Variants in MAP3K15 observed in about 807,000 individuals in gnomAD.
The protein encoded by MAP3K15 is mitogen-activated protein kinase kinase kinase 15, also known as MAPK/ERK kinase kinase 15.
MAP3K15 carries 124 observed loss-of-function variants against 99.5 expected under a neutral mutation model. The observed-to-expected ratio is 1.25, with a 90% CI of 1.08 to 1.45. The LOEUF is 1.45. Ranked by LOEUF, MAP3K15 falls within the 40% of genes most tolerant of loss-of-function variation. The pLI is 0.00. For missense variants in MAP3K15, 1,242 were observed against 1,079.7 expected (o/e 1.15, Z -2.11); for synonymous variants, 494 against 439.6 (o/e 1.12, Z -1.55).
chrX:19,463,358 T>C (rs777605415), intron 4 of MAP3K15, among the ~76,000 whole-genome samples: 1 of 111,991 alleles, frequency 8.9e-6, no homozygotes, highest in South Asian at 3.7e-4. Flanking sequence ...GTGCCACTAT[T>C]TGAGCCACAG....
chrX:19,435,034 T>G (rs923018286), intron 6 of MAP3K15, among the ~76,000 whole-genome samples: 5 of 112,217 alleles, frequency 4.5e-5, no homozygotes, highest in Non-Finnish European at 9.4e-5. Context: ...TATTCTTTAA[T>G]TTTTAAGAGC....
intron 16 of MAP3K15, among the ~76,000 whole-genome samples, chrX:19,394,154 TGAAG>T (rs1358151619): frequency 2.7e-5 from 3 of 111,423 alleles, no homozygotes; most frequent in Non-Finnish European, 5.6e-5. Flanking sequence ...AATGAATGAA[TGAAG>T]ATTTCTAACT....
At chrX:19,449,407 C>G (rs2064022306) in intron 6 of MAP3K15, among the ~76,000 whole-genome samples, 1 of 109,857 alleles carries the variant, frequency 9.1e-6, no homozygotes, top group Admixed American at 9.6e-5. Flanking sequence ...AAAGCGTGCA[C>G]TTTTTCTATA....
Position 19,371,446 on chromosome X carries a change from G to T in MAP3K15, c.3193C>A (p.Arg1065=). ...LRDFIRSPEH[R]VMATTISKLK... ...TTTGATATTGTGGTCGCCATCACCC[G>T]GTGCTCTGGGGAGCGGATGAAGTCC... The change falls in exon 23 of 29, where the codon CGG becomes AGG. Residue 1065 remains arginine, a synonymous_variant. Coordinates refer to ENST00000338883, the MANE Select transcript of MAP3K15 (RefSeq NM_001001671.4). The T allele has an allele frequency of 8.3e-7, 1 of 1,210,570 alleles. No individual in the cohort carries two copies. Among genetic ancestry groups the T allele is most frequent in the Non-Finnish European group, 1.1e-6 (1 of 894,595 alleles).
chrX:19,486,955 G>A (rs773179157), intron 2 of MAP3K15, among the ~76,000 whole-genome samples: 9 of 111,013 alleles, frequency 8.1e-5, no homozygotes, highest in Non-Finnish European at 1.3e-4. Flanking sequence ...CAATGTGAAG[G>A]CCACACCACA....
At chrX:19,447,190 G>C (rs941370447) in intron 6 of MAP3K15, among the ~76,000 whole-genome samples, 1 of 111,473 alleles carries the variant, frequency 9.0e-6, no homozygotes, top group Non-Finnish European at 1.9e-5. Context: ...CACTGTGCTT[G>C]GCCCTTTTTA....
At chrX:19,431,940 C>CTT (rs773036480) in intron 6 of MAP3K15, among the ~76,000 whole-genome samples, 12 of 81,017 alleles carry the variant, frequency 1.5e-4, no homozygotes, top group Non-Finnish European at 1.4e-4. Context: ...TGAGACCCTG[C>CTT]TTTTTTTTTT....
chrX:19,408,856 G>C (rs774897606), intron 12 of MAP3K15, among the ~76,000 whole-genome samples: 1 of 110,700 alleles, frequency 9.0e-6, no homozygotes, highest in South Asian at 3.8e-4. Flanking sequence ...CATTTCCCTC[G>C]TGTGGCCACA....
At chrX:19,378,413 G>A (rs943037494) in intron 19 of MAP3K15, among the ~76,000 whole-genome samples, 5 of 111,963 alleles carry the variant, frequency 4.5e-5, no homozygotes, top group Non-Finnish European at 7.5e-5. Context: ...ACAGTTCCAC[G>A]CGGCTGGGGA....
Position 19,514,934 on chromosome X carries a change from C to A in MAP3K15, c.328G>T (p.Glu110Ter), listed in dbSNP as rs866314004. The A allele has an allele frequency of 8.7e-7, 1 of 1,148,279 alleles. No homozygotes were observed. The highest frequency in any genetic ancestry group is 1.9e-5 in the South Asian group (1 of 53,068). The allele number at this position is 1,148,279 out of a possible 1,213,427, so 94.6% of individuals were successfully genotyped here. ...SVPFGELDFGETAVLDAFYDA... is the reference protein window; with the variant it reads ...SVPFGELDFG ...TAGAAGGCGTCGAGCACGGCCGTCT[C>A]CCCGAAGTCCAGCTCCCCGAAGGGC... is the stretch of plus-strand genomic sequence containing the variant. Residue 110 changes from glutamate to a stop codon, truncating the protein, a stop_gained, in exon 1 of 29, where the codon GAG becomes TAG. Transcript: ENST00000338883. LOFTEE classifies it high-confidence loss of function.
intron 1 of MAP3K15, among the ~76,000 whole-genome samples, chrX:19,509,098 T>C (rs2064499998): frequency 9.1e-6 from 1 of 109,852 alleles, no homozygotes; most frequent in South Asian, 3.9e-4. Flanking sequence ...CCCCAAGATT[T>C]AGACCCACAC....
chrX:19,492,507 T>C (rs1270970240), intron 1 of MAP3K15, among the ~76,000 whole-genome samples: 1 of 111,446 alleles, frequency 9.0e-6, no homozygotes, highest in Non-Finnish European at 1.9e-5. Flanking sequence ...ACGTCTATAC[T>C]GAGGAAACAC....
rs1278964466 is a variant in MAP3K15, at chrX:19,411,556, T to C, written c.1699-1583A>G. ...AGTAAAATCATACCATGGGGGGCGGTGAAAAGTGTTATGAAGACAAATAAA... is the reference window on the plus strand; with the variant it reads ...AGTAAAATCATACCATGGGGGGCGGCGAAAAGTGTTATGAAGACAAATAAA... On this transcript the variant is annotated intron_variant, in intron 11 of 28. Transcript: ENST00000338883. 5.4e-5 allele frequency among the ~76,000 whole-genome samples: 6 copies of C among 110,672 alleles called. No individual in the cohort carries two copies. The Admixed American group carries it at 5.8e-4, about 11-fold the overall frequency.
chrX:19,512,902 A>G (rs1383141800), intron 1 of MAP3K15, among the ~76,000 whole-genome samples: 2 of 111,495 alleles, frequency 1.8e-5, no homozygotes, highest in Non-Finnish European at 3.8e-5. Context: ...CAAAGAAGCC[A>G]AAGTGAGAGC....
intron 1 of MAP3K15, among the ~76,000 whole-genome samples, chrX:19,511,488 C>A (rs1450325820): frequency 9.0e-6 from 1 of 111,100 alleles, no homozygotes; most frequent in Admixed American, 9.6e-5. Context: ...AAAACAACCC[C>A]ATCAAAAAGT....
At chrX:19,485,308 C>G (rs1177185172) in intron 3 of MAP3K15, among the ~76,000 whole-genome samples, 3 of 7,926 alleles carry the variant, frequency 3.8e-4, no homozygotes, top group Non-Finnish European at 6.4e-4. Context: ...GACTCTGTCT[C>G]AAAAAAAAAA....
At chrX:19,475,631 C>A (rs1022410090) in intron 3 of MAP3K15, among the ~76,000 whole-genome samples, 1 of 111,067 alleles carries the variant, frequency 9.0e-6, no homozygotes, top group Non-Finnish European at 1.9e-5. Flanking sequence ...CAGTGCAAGG[C>A]CCATCTGCAA....
chrX:19,451,455 A>G (rs1430750048), intron 6 of MAP3K15, among the ~76,000 whole-genome samples: 1 of 103,469 alleles, frequency 9.7e-6, no homozygotes, highest in Admixed American at 1.0e-4. Context: ...TATAAAAAAA[A>G]AAACCCTCCT....
At chrX:19,504,955 C>CA (rs778010766) in intron 1 of MAP3K15, among the ~76,000 whole-genome samples, 18,822 of 51,499 alleles carry the variant, frequency 0.37, 2,671 homozygotes, top group African/African-American at 0.46. Flanking sequence ...GACCTCCTCT[C>CA]AAAAAAAAAA....
Sources: allele counts gnomAD v4.1 joint callset (sites outside exome capture counted in the v4.1 genomes callset), GRCh38; gene constraint gnomAD v4.1.1; transcripts MANE v1.5; gene names NCBI Gene and HGNC (gene_info 2026-07-23, HGNC 2026-07-21).